ZNF512: variants seen among roughly 807,000 people sequenced by gnomAD.
ZNF512 encodes the protein zinc finger protein 512.
Under a neutral mutation model 77.5 loss-of-function variants are expected in ZNF512, and 25 were observed. That is an observed-to-expected ratio of 0.32 (90% confidence interval 0.23 to 0.45). The LOEUF (loss-of-function observed/expected upper bound fraction) is 0.45. Ranked by LOEUF, ZNF512 falls within the 20% of genes least tolerant of loss-of-function variation. The pLI is 1.00. For missense variants in ZNF512, 483 were observed against 692.6 expected (o/e 0.70, Z 3.40); for synonymous variants, 246 against 239.9 (o/e 1.03, Z -0.24).
At position 27,596,341 on chromosome 2, in the gene ZNF512, C is replaced by A. The variant is rs140827470; in HGVS notation, c.90-1726C>A. Among the ~76,000 whole-genome samples, 7 of 152,268 alleles carry A rather than the reference C, an allele frequency of 4.6e-5. No individual in the cohort carries two copies. The East Asian group carries it at 1.3e-3, about 29-fold the overall frequency. The stretch of plus-strand genomic sequence containing the variant: ...ATGGGTATATGCCACACATTCATGG[C>A]TAAGGTTAAGTTGTGACTTATTTGG... On this transcript the variant is annotated intron_variant, in intron 2 of 13. Transcript: ENST00000355467.
intron 13 of ZNF512, among the ~76,000 whole-genome samples, chr2:27,620,704 G>A (rs1002177908): frequency 6.6e-6 from 1 of 152,148 alleles, no homozygotes; most frequent in African/African-American, 2.4e-5. Context: ...ATTTTTTAAA[G>A]TGAGCCTCGA....
At chr2:27,617,239 A>G (rs1672920429) in intron 12 of ZNF512, 3 of 419,698 alleles carry the variant, frequency 7.1e-6, no homozygotes, top group South Asian at 7.3e-5. Flanking sequence ...GGAGACTTTC[A>G]GGTTGTGTTG....
chr2:27,598,920 TCTC>T (rs1671993505), intron 3 of ZNF512, among the ~76,000 whole-genome samples: 1 of 151,946 alleles, frequency 6.6e-6, no homozygotes. Context: ...GCACCCTCCT[TCTC>T]CTGGGTTCAA....
At chr2:27,583,459 C>G in intron 1 of ZNF512, 199 bp from the exon 2 acceptor site, 1 of 1,451,798 alleles carries the variant, frequency 6.9e-7, no homozygotes, top group African/African-American at 1.4e-5. Context: ...TGGGGGAAGA[C>G]GAAGGCTCTG....
Position 27,603,166 on chromosome 2 carries a change from C to T in ZNF512, c.795C>T (p.Ile265=), listed in dbSNP as rs201376450. The T allele has an allele frequency of 6.9e-5, 112 of 1,614,058 alleles. No individual in the cohort carries two copies. Among genetic ancestry groups the T allele is most frequent in the Admixed American group, 2.2e-4 (13 of 59,998 alleles). Residue 265 remains isoleucine, a synonymous_variant, in exon 9 of 14, where the codon ATC becomes ATT. Transcript: ENST00000355467. The part of the protein sequence containing the change: ...RESCSSSFTS[I]MGYLYHVRKC... ...GTTGCTCCAGTAGCTTCACCAGCATCATGGGATATCTCTACCATGTCAGAA... is the reference window on the plus strand; with the variant it reads ...GTTGCTCCAGTAGCTTCACCAGCATTATGGGATATCTCTACCATGTCAGAA...
chr2:27,583,617 A>C, intron 1 of ZNF512, 41 bp from the exon 2 acceptor site: 1 of 1,610,946 alleles, frequency 6.2e-7, no homozygotes, highest in Non-Finnish European at 8.5e-7. Flanking sequence ...GTCGAGGTTC[A>C]GAGGTCCCTA....
chr2:27,612,205 G>A (rs891825025), intron 10 of ZNF512, among the ~76,000 whole-genome samples: 10 of 152,048 alleles, frequency 6.6e-5, no homozygotes, highest in Admixed American at 6.6e-5. Context: ...GCAGTTGAGC[G>A]CTCTTTCAAG....
At chr2:27,611,323 T>A (rs1007482818) in intron 10 of ZNF512, among the ~76,000 whole-genome samples, 1 of 152,194 alleles carries the variant, frequency 6.6e-6, no homozygotes, top group Admixed American at 6.5e-5. Flanking sequence ...GTGTCCTTGA[T>A]GCTGTTGAAG....
At chr2:27,589,641 G>A (rs1324422994) in intron 2 of ZNF512, among the ~76,000 whole-genome samples, 1 of 152,162 alleles carries the variant, frequency 6.6e-6, no homozygotes, top group East Asian at 1.9e-4. Flanking sequence ...ATCTTAAGAT[G>A]AAATCTTAAG....
At position 27,591,157 on chromosome 2, in the gene ZNF512, C is replaced by T. The variant is rs142811388; in HGVS notation, c.90-6910C>T. Among the ~76,000 whole-genome samples, 236 of 152,308 alleles carry T rather than the reference C, an allele frequency of 1.5e-3. 2 individuals carry two copies. The highest frequency in any genetic ancestry group is 5.5e-3 in the African/African-American group (227 of 41,572). ...GCTCAAGGGATCCTCTCACTTTAGC[C>T]TCCCAAGTAGCTGGGACTATAGTTG... On this transcript the variant is annotated intron_variant, in intron 2 of 13. Coordinates refer to ENST00000355467, the MANE Select transcript of ZNF512 (RefSeq NM_032434.4).
intron 3 of ZNF512, among the ~76,000 whole-genome samples, chr2:27,599,024 A>C (rs767869400): frequency 2.6e-5 from 4 of 152,136 alleles, no homozygotes; most frequent in African/African-American, 4.8e-5. Context: ...TATTTTTAGC[A>C]GAGACGGGGT....
At chr2:27,583,479 C>G in intron 1 of ZNF512, 179 bp from the exon 2 acceptor site, 1 of 1,468,362 alleles carries the variant, frequency 6.8e-7, no homozygotes, top group Non-Finnish European at 9.0e-7. Context: ...GGTATTGTTA[C>G]CCGCCTTTGC....
intron 2 of ZNF512, among the ~76,000 whole-genome samples, chr2:27,592,300 T>A (rs898229713): frequency 3.3e-5 from 5 of 151,526 alleles, no homozygotes; most frequent in South Asian, 2.1e-4. Context: ...TTAGTTTTTT[T>A]ATTTATTTAT....
rs1173871560 is a variant in ZNF512 at position 27,610,536 on chromosome 2, A to ATGTGTG, written c.1131+2501_1131+2506dup. On this transcript the variant is annotated intron_variant, in intron 10 of 13. Coordinates refer to ENST00000355467, the MANE Select transcript of ZNF512 (RefSeq NM_032434.4). ...TGTGTGTATATGTGTGTGTATATAT[A>ATGTGTG]TGTGTGTGTATATATATATATATAT... is the stretch of plus-strand genomic sequence containing the variant. 2.7e-3 allele frequency among the ~76,000 whole-genome samples: 177 copies of ATGTGTG among 65,110 alleles called. 5 individuals are homozygous for ATGTGTG. Among genetic ancestry groups the ATGTGTG allele is most frequent in the East Asian group, 6.4e-3 (10 of 1,552 alleles). The allele number at this position is 65,110 out of a possible 152,430, so 42.7% of individuals were successfully genotyped here.
intron 9 of ZNF512, 111 bp downstream of exon 9, chr2:27,603,418 C>G: frequency 8.8e-7 from 1 of 1,136,072 alleles, no homozygotes; most frequent in Non-Finnish European, 1.2e-6. Flanking sequence ...CTCTTTTAAT[C>G]TCTGAATGCT....
Position 27,583,710 on chromosome 2 carries a change from C to T in ZNF512, c.83C>T (p.Ala28Val), listed in dbSNP as rs1671214214. ...KQQRSTRIVG[A>V]KNSRTQCSIK... ...CAGAGGAGCACGAGGATCGTGGGAG[C>T]TAAGAAGTAAGTGAGGTTTTCTAAG... The change falls in exon 2 of 14, where the codon GCT becomes GTT. Residue 28 changes from alanine to valine, a missense_variant. Ala to Val is a moderately conservative substitution (Grantham distance 64, BLOSUM62 0). This residue lies in a region of ZNF512 where 159 missense variants were observed against 167.5 expected (regional missense o/e 0.95). Transcript: ENST00000355467. 2 of 1,613,824 alleles carry T rather than the reference C, an allele frequency of 1.2e-6. No individual in the cohort carries two copies. The highest frequency in any genetic ancestry group is 2.7e-5 in the African/African-American group (2 of 74,888).
chr2:27,615,470 C>T (rs1295704696), intron 11 of ZNF512, among the ~76,000 whole-genome samples: 3 of 152,228 alleles, frequency 2.0e-5, no homozygotes, highest in Non-Finnish European at 2.9e-5. Flanking sequence ...CAGCTGGAAT[C>T]GCTCATAAAA....
chr2:27,613,981 G>C (rs1043748970), intron 10 of ZNF512, among the ~76,000 whole-genome samples: 6 of 151,834 alleles, frequency 4.0e-5, no homozygotes, highest in Non-Finnish European at 8.8e-5. Flanking sequence ...AAAGATTTTA[G>C]ATAGGCCCAT....
intron 2 of ZNF512, among the ~76,000 whole-genome samples, chr2:27,587,014 C>G (rs2148000354): frequency 6.6e-6 from 1 of 152,260 alleles, no homozygotes; most frequent in Non-Finnish European, 1.5e-5. Flanking sequence ...AACAATAAGG[C>G]TGCTGTGAAC....
Sources: gnomAD v4.1 joint callset for allele counts (sites outside exome capture counted in the v4.1 genomes callset) on GRCh38, gnomAD v4.1.1 for gene constraint, gnomAD v4.1.1 regional missense constraint, MANE v1.5 for transcripts, NCBI Gene and HGNC (gene_info 2026-07-23, HGNC 2026-07-21) for gene names.